Variants in LTBP1 observed in about 807,000 individuals in gnomAD.
LTBP1 encodes latent transforming growth factor beta binding protein 1.
In LTBP1, 129 loss-of-function variants were observed where a neutral mutation model predicts 207.6. That is an observed-to-expected ratio of 0.62 (90% CI 0.54 to 0.72). The LOEUF is 0.72. Among genes scored for constraint, LTBP1 ranks in the 30% least tolerant of loss-of-function variants. LTBP1 has a pLI of 0.00. For missense variants in LTBP1, 2,281 were observed against 2,217.2 expected (o/e 1.03, Z -0.58); for synonymous variants, 963 against 833.7 (o/e 1.16, Z -2.67).
chr2:33,076,226 G>T (rs1437259083), intron 3 of LTBP1, among the ~76,000 whole-genome samples: 6 of 152,130 alleles, frequency 3.9e-5, no homozygotes, highest in Non-Finnish European at 4.4e-5. Flanking sequence ...AGGAGGTTTA[G>T]TATTTATACA....
At chr2:32,984,398 T>C (rs1389321317) in intron 2 of LTBP1, among the ~76,000 whole-genome samples, 3 of 152,196 alleles carry the variant, frequency 2.0e-5, no homozygotes, top group African/African-American at 7.2e-5. Flanking sequence ...CATCTGATCT[T>C]GTGAAATCTC....
intron 4 of LTBP1, among the ~76,000 whole-genome samples, chr2:33,120,246 A>T (rs2081026382): frequency 6.7e-6 from 1 of 150,100 alleles, no homozygotes; most frequent in African/African-American, 2.4e-5. Context: ...ATAGGTAAAC[A>T]CGTGTCACGG....
chr2:33,397,409 G>A (rs943382089), intron 33 of LTBP1, 127 bp downstream of exon 33: 10 of 852,392 alleles, frequency 1.2e-5, no homozygotes, highest in South Asian at 3.3e-5. Context: ...TTCTGGAGAT[G>A]TACATTAAGT....
At chr2:33,377,743 G>A (rs1191261950) in intron 31 of LTBP1, among the ~76,000 whole-genome samples, 1 of 152,154 alleles carries the variant, frequency 6.6e-6, no homozygotes, top group Non-Finnish European at 1.5e-5. Flanking sequence ...TACCTGAGAT[G>A]GGTAATTTAT....
chr2:33,372,122 A>G (rs945972016), intron 31 of LTBP1, among the ~76,000 whole-genome samples: 12 of 152,174 alleles, frequency 7.9e-5, no homozygotes, highest in Admixed American at 6.5e-4. Flanking sequence ...TTTCTGACAG[A>G]GGATCTGAGG....
intron 5 of LTBP1, among the ~76,000 whole-genome samples, chr2:33,139,685 T>A (rs755547984): frequency 2.6e-5 from 4 of 152,024 alleles, no homozygotes; most frequent in Non-Finnish European, 5.9e-5. Context: ...GAAACATTGG[T>A]AAGTTCCAAA....
At chr2:33,306,855 C>T (rs1225614544) in intron 22 of LTBP1, among the ~76,000 whole-genome samples, 4 of 151,956 alleles carry the variant, frequency 2.6e-5, no homozygotes, top group African/African-American at 7.3e-5. Context: ...TTTGGGAGGC[C>T]GAGGCGGGTG....
rs755917287 is a variant in LTBP1, at chr2:33,273,742, G to A, written c.2704G>A (p.Glu902Lys). 19 of 1,610,972 alleles carry A rather than the reference G, an allele frequency of 1.2e-5. No homozygotes were observed. The South Asian group carries it at 1.3e-4, about 11-fold the overall frequency. ...AGTGAGATATACCTGTATATGCTAC[G>A]AGGGCTACAGGTTCAGTGAACAACA... is the stretch of plus-strand genomic sequence containing the variant. ...LPVRYTCICY[E>K]GYRFSEQQRK... is the part of the protein sequence containing the mutation. Residue 902 changes from glutamate (E) to lysine (K), a missense_variant, in exon 16 of 34, where the codon GAG (glutamate) becomes AAG (lysine). Physicochemically the swap from Glu to Lys is moderately conservative, Grantham distance 56. Around this residue, in one of 3 missense-constraint regions of LTBP1, gnomAD observed 1,671 missense variants for 1,634.8 expected, o/e 1.02. Coordinates refer to ENST00000404816, the MANE Select transcript of LTBP1 (RefSeq NM_206943.4).
At chr2:33,328,556 G>A (rs1438445133) in intron 24 of LTBP1, among the ~76,000 whole-genome samples, 1 of 152,166 alleles carries the variant, frequency 6.6e-6, no homozygotes, top group Non-Finnish European at 1.5e-5. Flanking sequence ...TGGAGTGAGC[G>A]CAAGCAGGGA....
chr2:33,205,013 T>C (rs2089722230), intron 7 of LTBP1, among the ~76,000 whole-genome samples: 1 of 152,230 alleles, frequency 6.6e-6, no homozygotes, highest in African/African-American at 2.4e-5. Context: ...CCAAGGTGTC[T>C]TTGAGCCCTC....
chr2:33,005,458 C>G (rs1686710754), intron 2 of LTBP1, among the ~76,000 whole-genome samples: 1 of 152,100 alleles, frequency 6.6e-6, no homozygotes, highest in East Asian at 1.9e-4. Context: ...GGCTAGGTCC[C>G]AAGAAGGAAG....
chr2:33,332,204 ATAG>A (rs986733578), intron 24 of LTBP1, among the ~76,000 whole-genome samples: 3 of 151,870 alleles, frequency 2.0e-5, no homozygotes, highest in Admixed American at 2.0e-4. Flanking sequence ...GTATCCTCAA[ATAG>A]TAGATTGCAA....
At chr2:33,253,913 G>A (rs1167156326) in intron 11 of LTBP1, among the ~76,000 whole-genome samples, 21 of 109,244 alleles carry the variant, frequency 1.9e-4, no homozygotes, top group Non-Finnish European at 3.0e-4. Context: ...TTTTTGAGAT[G>A]GAGTCTCGCT....
chr2:33,286,032 C>G (rs2148685959), intron 19 of LTBP1: 1 of 152,256 alleles, frequency 6.6e-6, no homozygotes, highest in East Asian at 1.9e-4. Flanking sequence ...ACTTTATTGT[C>G]TCTGCTCACC....
At position 33,207,207 on chromosome 2, in the gene LTBP1, C is replaced by G. The variant is rs192643693; in HGVS notation, c.1702-10345C>G. ...TTCATGCTTAAGAGGGTTTTTTTTC[C>G]CTTCATATGTGACTTTAAAAACCAT... On this transcript the variant is annotated intron_variant, in intron 7 of 33. Coordinates refer to ENST00000404816, the MANE Select transcript of LTBP1 (RefSeq NM_206943.4). 5.4e-4 allele frequency among the ~76,000 whole-genome samples: 82 copies of G among 151,916 alleles called. 2 individuals carry two copies. In the East Asian group the frequency reaches 0.012, roughly 23 times the overall value.
intron 31 of LTBP1, among the ~76,000 whole-genome samples, chr2:33,370,633 T>G (rs1223350908): frequency 3.3e-5 from 5 of 152,360 alleles, no homozygotes; most frequent in Middle Eastern, 3.4e-3. Context: ...TTAAAACTAG[T>G]TTGTTCATAG....
At chr2:33,286,682 A>C (rs1573625534) in intron 19 of LTBP1, among the ~76,000 whole-genome samples, 1 of 152,310 alleles carries the variant, frequency 6.6e-6, no homozygotes, top group South Asian at 2.1e-4. Flanking sequence ...CACCCACCCA[A>C]ATGTCCAACA....
chr2:33,302,265 T>C (rs41470344), intron 22 of LTBP1, among the ~76,000 whole-genome samples: 5,171 of 152,294 alleles, frequency 0.034, 304 homozygotes, highest in African/African-American at 0.12. Context: ...CTGCATTCAT[T>C]GTCCACCTAA....
intron 3 of LTBP1, among the ~76,000 whole-genome samples, chr2:33,072,058 G>A (rs1369884433): frequency 6.6e-6 from 1 of 152,172 alleles, no homozygotes; most frequent in Non-Finnish European, 1.5e-5. Flanking sequence ...GATACCAGTT[G>A]CAAGTCTGAG....
Sources: gnomAD v4.1 joint callset for allele counts (sites outside exome capture counted in the v4.1 genomes callset) on GRCh38, gnomAD v4.1.1 for gene constraint, gnomAD v4.1.1 regional missense constraint, MANE v1.5 for transcripts, NCBI Gene and HGNC (gene_info 2026-07-23, HGNC 2026-07-21) for gene names.